Variants in LGR6 observed in about 807,000 individuals in gnomAD.
LGR6 encodes leucine rich repeat containing G protein-coupled receptor 6.
LGR6 carries 45 observed loss-of-function variants against 69.4 expected under a neutral mutation model. The ratio of observed to expected loss-of-function variants is 0.65; its 90% CI spans 0.51 to 0.83. The LOEUF (loss-of-function observed/expected upper bound fraction) is 0.83, where lower values mean the gene tolerates loss of function less well. Among genes scored for constraint, LGR6 ranks in the 40% least tolerant of loss-of-function variants. The probability of loss-of-function intolerance (pLI) is 0.00; values close to 1 mark genes in which losing one functional copy is unlikely to be tolerated. For synonymous variants in LGR6, 538 were observed against 555.0 expected, an observed-to-expected ratio of 0.97 and a Z score of 0.43; for missense variants, 1,108 against 1,246.7, an observed-to-expected ratio of 0.89 and a Z score of 1.68.
chr1:202,244,464 C>T (rs2148033795), intron 4 of LGR6, among the ~76,000 whole-genome samples: 2 of 152,302 alleles, frequency 1.3e-5, no homozygotes, highest in Non-Finnish European at 1.5e-5. Context: ...AGCAGAGCTG[C>T]GCTACCTCTG....
intron 9 of LGR6, among the ~76,000 whole-genome samples, chr1:202,302,049 T>C (rs896294216): frequency 6.6e-6 from 1 of 151,844 alleles, no homozygotes; most frequent in African/African-American, 2.4e-5. Flanking sequence ...TAGCCGGACG[T>C]GGTGGTGCAT....
At chr1:202,214,364 T>C (rs1659616625) in intron 1 of LGR6, 8 of 983,984 alleles carry the variant, frequency 8.1e-6, no homozygotes, top group African/African-American at 1.8e-5. Flanking sequence ...TCCCCTTCCA[T>C]TGTTCTGGGA....
At chr1:202,229,688 G>C (rs1209168270) in intron 3 of LGR6, among the ~76,000 whole-genome samples, 1 of 152,118 alleles carries the variant, frequency 6.6e-6, no homozygotes, top group Non-Finnish European at 1.5e-5. Flanking sequence ...TAGGGCAGCA[G>C]GGGGAGGTTG....
chr1:202,286,466 T>C (rs1198513118), intron 6 of LGR6, among the ~76,000 whole-genome samples: 2 of 152,192 alleles, frequency 1.3e-5, no homozygotes, highest in Non-Finnish European at 2.9e-5. Flanking sequence ...AAGGCAGGAA[T>C]TGTGTATCCT....
chr1:202,261,461 A>G (rs912689781), intron 4 of LGR6, among the ~76,000 whole-genome samples: 2 of 151,872 alleles, frequency 1.3e-5, no homozygotes, highest in Non-Finnish European at 2.9e-5. Flanking sequence ...TATGTGCCAC[A>G]TTTTCTTAAT....
intron 6 of LGR6, among the ~76,000 whole-genome samples, chr1:202,283,567 C>CGGTTTGGCTGGAGCTGT (rs1264413740): frequency 6.6e-6 from 1 of 152,202 alleles, no homozygotes; most frequent in East Asian, 1.9e-4. Context: ...GCCCAAGCTG[C>CGGTTTGGCTGGAGCTGT]GGTTTGGCTG....
At chr1:202,230,045 A>G (rs745623292) in intron 3 of LGR6, among the ~76,000 whole-genome samples, 4 of 152,142 alleles carry the variant, frequency 2.6e-5, no homozygotes, top group Non-Finnish European at 4.4e-5. Context: ...TTGTACCAGG[A>G]GACAGTCACC....
At position 202,318,828 on chromosome 1, in the gene LGR6, G is replaced by T; in HGVS notation, c.2525G>T (p.Arg842Leu). 1 of 1,613,154 alleles carries T rather than the reference G, an allele frequency of 6.2e-7. No homozygotes were observed. The highest frequency in any genetic ancestry group is 8.5e-7 in the Non-Finnish European group (1 of 1,179,656). ...TTCCGGGATGACCTTCGGCGGCTTC[G>T]GCCCCGCGCAGGGGACTCAGGGCCC... ...PHFRDDLRRL[R>L]PRAGDSGPLA... Residue 842 changes from arginine (R) to leucine (L), a missense_variant, in exon 18 of 18, where the codon CGG becomes CTG. Transcript: ENST00000367278.
At chr1:202,230,765 G>T (rs1660965882) in intron 3 of LGR6, among the ~76,000 whole-genome samples, 1 of 152,310 alleles carries the variant, frequency 6.6e-6, no homozygotes, top group East Asian at 1.9e-4. Context: ...CTGAGGCTTG[G>T]TCATCTTCTC....
In LGR6 at chr1:202,241,473, G is replaced by A. The variant is rs1208738426; in HGVS notation, c.428+5480G>A. Among the ~76,000 whole-genome samples the A allele has an allele frequency of 2.0e-5, 3 of 152,318 alleles. No homozygotes were observed. The East Asian group carries it at 5.8e-4, about 29-fold the overall frequency. ...CCCAGCTGAATGTGGTACACAAACT[G>A]TTTGGCTTGGCACCTGGGCAGGCAG... is the stretch of plus-strand genomic sequence containing the variant. On this transcript the variant is annotated intron_variant, in intron 4 of 17. Coordinates refer to ENST00000367278, the MANE Select transcript of LGR6 (RefSeq NM_001017403.2).
In LGR6 at chr1:202,268,371, G is replaced by T. The variant is rs918257758; in HGVS notation, c.429-7935G>T. Among the ~76,000 whole-genome samples, 1 of 152,202 alleles carries T rather than the reference G, an allele frequency of 6.6e-6. No homozygotes were observed. Among genetic ancestry groups the T allele is most frequent in the African/African-American group, 2.4e-5 (1 of 41,448 alleles). ...TCCTTGCCTTCCCAGGCAGGCTCTC[G>T]GTCAGGGCCGTTGGTCCCTCCAGGC... On this transcript the variant is annotated intron_variant, in intron 4 of 17. Transcript: ENST00000367278. This position sits in a 1 kb window ranked among gnomAD's most constrained non-coding sequence, Gnocchi z 4.4.
In LGR6 at chr1:202,319,254, C is replaced by T. The variant is rs200851632; in HGVS notation, c.*47C>T. On this transcript the variant is annotated 3_prime_UTR_variant, in exon 18 of 18. Transcript: ENST00000367278. ...TTCCCCTCTCTTCCCTTTCCTCTCT[C>T]CCCCTCGGTGAATGATGGCTGCTTC... 10 of 1,498,986 alleles carry T rather than the reference C, an allele frequency of 6.7e-6. No homozygotes were observed. The highest frequency in any genetic ancestry group is 5.6e-5 in the African/African-American group (4 of 71,594). The allele number at this position is 1,498,986 out of a possible 1,614,324, so 92.9% of individuals were successfully genotyped here.
intron 4 of LGR6, among the ~76,000 whole-genome samples, chr1:202,247,875 C>T (rs1040572487): frequency 1.3e-5 from 2 of 152,164 alleles, no homozygotes; most frequent in East Asian, 1.9e-4. Context: ...GGAGCCAGCA[C>T]CTGTGGCCTG....
chr1:202,261,534 C>T (rs892938690), intron 4 of LGR6, among the ~76,000 whole-genome samples: 3 of 152,130 alleles, frequency 2.0e-5, no homozygotes, highest in Non-Finnish European at 4.4e-5. Flanking sequence ...AATAGTGCCG[C>T]AATAAACATA....
At chr1:202,269,095 G>C (rs921800552) in intron 4 of LGR6, among the ~76,000 whole-genome samples, 4 of 152,030 alleles carry the variant, frequency 2.6e-5, no homozygotes, top group East Asian at 1.9e-4. Flanking sequence ...TTCTAGAGAG[G>C]GTGTCTTGCT....
chr1:202,238,015 A>T (rs546040762), intron 4 of LGR6, among the ~76,000 whole-genome samples: 143 of 151,212 alleles, frequency 9.5e-4, no homozygotes, highest in African/African-American at 3.0e-3. Flanking sequence ...ACACAGCTAT[A>T]ATGTATGATG....
At chr1:202,195,401 C>G (rs572457846) in intron 1 of LGR6, among the ~76,000 whole-genome samples, 8 of 152,314 alleles carry the variant, frequency 5.3e-5, no homozygotes, top group Admixed American at 6.5e-5. Flanking sequence ...TGGGGCTCCT[C>G]TCCAAATGTC....
chr1:202,310,244 G>A lies in LGR6; in HGVS notation c.1454G>A (p.Cys485Tyr). The A allele has an allele frequency of 6.2e-6, 10 of 1,614,150 alleles. No individual in the cohort carries two copies. The highest frequency in any genetic ancestry group is 8.5e-6 in the Non-Finnish European group (10 of 1,180,016). ...YAYQCCPYGM[C>Y]ASFFKASGQW... ...TACCAGTGCTGTCCCTATGGGATGT[G>A]TGCCAGCTTCTTCAAGGCCTCTGGG... The change falls in exon 16 of 18, where the codon TGT (cysteine) becomes TAT (tyrosine). Residue 485 changes from cysteine to tyrosine, a missense_variant. Physicochemically the swap from Cys to Tyr is radical, Grantham distance 194. Coordinates refer to ENST00000367278, the MANE Select transcript of LGR6 (RefSeq NM_001017403.2).
chr1:202,316,991 T>C (rs1654193938), intron 17 of LGR6, among the ~76,000 whole-genome samples: 1 of 152,162 alleles, frequency 6.6e-6, no homozygotes, highest in African/African-American at 2.4e-5. Flanking sequence ...GCAATTTACC[T>C]CCGAAATACT....
Sources: gnomAD v4.1 joint callset for allele counts (sites outside exome capture counted in the v4.1 genomes callset) on GRCh38, gnomAD v4.1.1 for gene constraint, Gnocchi (gnomAD v3.1) non-coding constraint, MANE v1.5 for transcripts, NCBI Gene and HGNC (gene_info 2026-07-23, HGNC 2026-07-21) for gene names.